Variants in RNLS observed in about 807,000 individuals in gnomAD.
RNLS encodes renalase, FAD dependent amine oxidase.
Under a neutral mutation model 39.8 loss-of-function variants are expected in RNLS, and 39 were observed. The observed-to-expected ratio is 0.98, with a 90% CI of 0.76 to 1.28. RNLS has a LOEUF of 1.28. Ranked by LOEUF, RNLS falls within the 50% of genes most tolerant of loss-of-function variation. The probability of loss-of-function intolerance (pLI) is 0.00; values close to 1 mark genes in which losing one functional copy is unlikely to be tolerated. For synonymous variants in RNLS, 147 were observed against 150.7 expected, an observed-to-expected ratio of 0.98 and a Z score of 0.18; for missense variants, 410 against 413.3, an observed-to-expected ratio of 0.99 and a Z score of 0.07.
chr10:88,461,265 C>A (rs915460741), intron 4 of RNLS, among the ~76,000 whole-genome samples: 1 of 152,080 alleles, frequency 6.6e-6, no homozygotes, highest in African/African-American at 2.4e-5. Flanking sequence ...GGGCTAAGAG[C>A]ATGGGAAGAG....
chr10:88,260,201 G>A, the RNLS span, among the ~76,000 whole-genome samples: 17 of 152,242 alleles, frequency 1.1e-4, no homozygotes, highest in African/African-American at 3.9e-4. Context: ...CAAAGAACAG[G>A]AAACATGAAG....
intron 3 of RNLS, among the ~76,000 whole-genome samples, chr10:88,575,159 T>TATATATACACACAC (rs1386414416): frequency 2.3e-5 from 1 of 43,388 alleles, no homozygotes; most frequent in Admixed American, 3.2e-4. Flanking sequence ...TATATATATA[T>TATATATACACACAC]ACACACACAC....
At chr10:88,210,152 C>T in the RNLS span, among the ~76,000 whole-genome samples, 1 of 152,200 alleles carries the variant, frequency 6.6e-6, no homozygotes, top group African/African-American at 2.4e-5. Flanking sequence ...ACTTTATAGC[C>T]TCACCTTGTC....
At chr10:88,337,864 G>A (rs73360785) in intron 5 of RNLS, among the ~76,000 whole-genome samples, 3 of 152,074 alleles carry the variant, frequency 2.0e-5, no homozygotes, top group Non-Finnish European at 4.4e-5. Flanking sequence ...ATTTATGCTC[G>A]TTCTTACAAA....
chr10:88,314,981 G>A (rs1845648478), intron 5 of RNLS, among the ~76,000 whole-genome samples: 1 of 152,068 alleles, frequency 6.6e-6, no homozygotes, highest in Non-Finnish European at 1.5e-5. Context: ...GCTCTTCAGG[G>A]CAGGGTCCAT....
At chr10:88,376,649 T>C (rs1851024661) in intron 4 of RNLS, among the ~76,000 whole-genome samples, 1 of 152,160 alleles carries the variant, frequency 6.6e-6, no homozygotes, top group Non-Finnish European at 1.5e-5. Context: ...GCTTTATTTC[T>C]ATGGTGGCAG....
At chr10:88,352,203 C>A (rs535760055) in intron 5 of RNLS, among the ~76,000 whole-genome samples, 2 of 152,230 alleles carry the variant, frequency 1.3e-5, no homozygotes, top group South Asian at 2.1e-4. Flanking sequence ...CTTTCTCCTG[C>A]CTGATTGCCC....
chr10:88,300,267 T>C (rs1844415068), intron 6 of RNLS, among the ~76,000 whole-genome samples: 1 of 152,140 alleles, frequency 6.6e-6, no homozygotes. Context: ...CTACAGTGAG[T>C]AAGGAATTAA....
the RNLS span, among the ~76,000 whole-genome samples, chr10:88,179,069 A>G: frequency 1.3e-5 from 2 of 152,368 alleles, no homozygotes; most frequent in East Asian, 3.8e-4. Flanking sequence ...AGAAAAGAAA[A>G]GGACATACAT....
chr10:88,285,096 C>T lies in RNLS; in HGVS notation c.*258G>A. 2.0e-6 allele frequency: 2 copies of T among 1,019,136 alleles called. No homozygotes were observed. The highest frequency in any genetic ancestry group is 4.6e-5 in the South Asian group (1 of 21,818). The allele number at this position is 1,019,136 out of a possible 1,614,324, so 63.1% of individuals were successfully genotyped here. A position where few individuals can be genotyped will look rare whatever the true frequency, so the allele number is the denominator to read the frequency against. ...GAGTCGTTTGTTATTTTTTAAGTACCACTTTTCCTCCAACAAGGAGTAGTC... is the reference window on the plus strand; with the variant it reads ...GAGTCGTTTGTTATTTTTTAAGTACTACTTTTCCTCCAACAAGGAGTAGTC... On this transcript the variant is annotated 3_prime_UTR_variant, in exon 7 of 7. Coordinates refer to ENST00000331772, the MANE Select transcript of RNLS (RefSeq NM_001031709.3).
At chr10:88,267,689 T>C in the RNLS span, among the ~76,000 whole-genome samples, 1 of 152,116 alleles carries the variant, frequency 6.6e-6, no homozygotes, top group Non-Finnish European at 1.5e-5. Flanking sequence ...AACCTACAAA[T>C]TGAGCACATC....
intron 5 of RNLS, among the ~76,000 whole-genome samples, chr10:88,327,704 T>C (rs1295711025): frequency 6.6e-6 from 1 of 152,242 alleles, no homozygotes; most frequent in East Asian, 1.9e-4. Flanking sequence ...TTATGTGTAC[T>C]TGAATAGAAT....
intron 4 of RNLS, among the ~76,000 whole-genome samples, chr10:88,550,422 C>A (rs112730818): frequency 6.6e-6 from 1 of 151,984 alleles, no homozygotes; most frequent in African/African-American, 2.4e-5. Flanking sequence ...TCAAGTACAA[C>A]GGGGATTTTG....
intron 4 of RNLS, among the ~76,000 whole-genome samples, chr10:88,491,957 G>T (rs201054639): frequency 0.05 from 6,482 of 129,178 alleles, 150 homozygotes; most frequent in Non-Finnish European, 0.069. Context: ...AAAGAGTTTT[G>T]TTTTTTTTTT....
At position 88,581,682 on chromosome 10, in the gene RNLS, G is replaced by A. The variant is rs745886027; in HGVS notation, c.252C>T (p.Gly84=). ...QRFYDELLAY[G]VLRPLSSPIE... ...TAGGCGAGCTTAGAGGCCTCAAAAC[G>A]CCATAGGCTAACAGTTCATCATAAA... The change falls in exon 3 of 7, where the codon GGC becomes GGT. Residue 84 remains glycine, a synonymous_variant. Transcript: ENST00000331772. 18 of 1,587,098 alleles carry A rather than the reference G, an allele frequency of 1.1e-5. No individual in the cohort carries two copies. Among genetic ancestry groups the A allele is most frequent in the Admixed American group, 3.6e-5 (2 of 56,178 alleles).
chr10:88,230,706 C>T, the RNLS span, among the ~76,000 whole-genome samples: 1 of 152,220 alleles, frequency 6.6e-6, no homozygotes, highest in Admixed American at 6.5e-5. Flanking sequence ...ACTTATATAG[C>T]TCCAACCTAT....
chr10:88,336,015 A>C (rs1847465104), intron 5 of RNLS, among the ~76,000 whole-genome samples: 1 of 152,220 alleles, frequency 6.6e-6, no homozygotes, highest in African/African-American at 2.4e-5. Context: ...AGGACCTAAG[A>C]AGTATGGATA....
intron 6 of RNLS, among the ~76,000 whole-genome samples, chr10:88,300,871 A>C (rs1731603638): frequency 6.6e-6 from 1 of 152,178 alleles, no homozygotes; most frequent in South Asian, 2.1e-4. Flanking sequence ...ATGTTTACTT[A>C]AATAGACCAA....
chr10:88,221,756 A>T, the RNLS span, among the ~76,000 whole-genome samples: 1 of 152,142 alleles, frequency 6.6e-6, no homozygotes, highest in Non-Finnish European at 1.5e-5. Flanking sequence ...TATGTGTTGC[A>T]CATGTGTCAT....
Sources: allele counts gnomAD v4.1 joint callset (sites outside exome capture counted in the v4.1 genomes callset), GRCh38; gene constraint gnomAD v4.1.1; transcripts MANE v1.5; gene names NCBI Gene and HGNC (gene_info 2026-07-23, HGNC 2026-07-21).